Variants in NRG3 observed in about 807,000 individuals in gnomAD.
NRG3 encodes pro-neuregulin-3, membrane-bound isoform.
Under a neutral mutation model 66.9 loss-of-function variants are expected in NRG3, and 31 were observed. The ratio of observed to expected loss-of-function variants is 0.46; its 90% CI spans 0.35 to 0.63. NRG3 has a LOEUF of 0.63. Ranked by LOEUF, NRG3 falls within the 20% of genes least tolerant of loss-of-function variation. The pLI, the probability that NRG3 is intolerant of heterozygous loss-of-function variation, is 0.00. For synonymous variants in NRG3, 393 were observed against 359.4 expected, an observed-to-expected ratio of 1.09 and a Z score of -1.06; for missense variants, 910 against 878.9, an observed-to-expected ratio of 1.04 and a Z score of -0.45.
intron 2 of NRG3, among the ~76,000 whole-genome samples, chr10:82,588,588 C>T (rs1335301965): frequency 2.0e-5 from 3 of 151,938 alleles, no homozygotes; most frequent in African/African-American, 7.3e-5. Context: ...CTGCAAGCTC[C>T]GCCTCCCGGG....
intron 2 of NRG3, among the ~76,000 whole-genome samples, chr10:82,582,662 T>TTGTGTGTGTGTGTGTG (rs141112949): frequency 6.8e-6 from 1 of 146,378 alleles, no homozygotes; most frequent in Non-Finnish European, 1.5e-5. Flanking sequence ...TCTATATGTG[T>TTGTGTGTGTGTGTGTG]TGTGTGTGTG....
chr10:82,923,642 A>G (rs1846678846), intron 4 of NRG3, among the ~76,000 whole-genome samples: 1 of 152,224 alleles, frequency 6.6e-6, no homozygotes, highest in Non-Finnish European at 1.5e-5. Flanking sequence ...TAAAAACAGG[A>G]GAGAAAGAAA....
At chr10:82,851,736 A>C (rs572841831) in intron 3 of NRG3, among the ~76,000 whole-genome samples, 4 of 86,524 alleles carry the variant, frequency 4.6e-5, no homozygotes, top group Middle Eastern at 5.6e-3. Flanking sequence ...GAAGCTATAT[A>C]GTTTTTTTCT....
intron 3 of NRG3, among the ~76,000 whole-genome samples, chr10:82,791,064 GT>G (rs1328380140): frequency 2.0e-5 from 3 of 151,188 alleles, no homozygotes; most frequent in African/African-American, 2.4e-5. Flanking sequence ...CTGACTTAAA[GT>G]TTTTTTTTAT....
At chr10:82,642,897 CAT>C (rs369198241) in intron 2 of NRG3, among the ~76,000 whole-genome samples, 23 of 150,122 alleles carry the variant, frequency 1.5e-4, no homozygotes, top group Admixed American at 5.3e-4. Context: ...TATACATACA[CAT>C]ATATATATAT....
intron 2 of NRG3, among the ~76,000 whole-genome samples, chr10:82,718,734 G>A (rs148255237): frequency 1.3e-4 from 20 of 152,216 alleles, no homozygotes; most frequent in Middle Eastern, 3.4e-3. Context: ...GACTTCTGCC[G>A]TTTCTACATA....
intron 2 of NRG3, among the ~76,000 whole-genome samples, chr10:82,608,533 C>T (rs967091376): frequency 6.6e-6 from 1 of 152,068 alleles, no homozygotes; most frequent in African/African-American, 2.4e-5. Context: ...TCCTGCTATA[C>T]GAAATCCCTA....
chr10:82,092,731 A>G (rs1290652551), intron 1 of NRG3, among the ~76,000 whole-genome samples: 7 of 152,180 alleles, frequency 4.6e-5, no homozygotes, highest in Non-Finnish European at 1.0e-4. Flanking sequence ...CTTCCAGTAT[A>G]TTAAAGACAA....
At chr10:82,536,211 G>A (rs890616956) in intron 2 of NRG3, among the ~76,000 whole-genome samples, 3 of 152,118 alleles carry the variant, frequency 2.0e-5, no homozygotes, top group African/African-American at 7.2e-5. Context: ...CTATTTTCAT[G>A]AAGTCTGGAT....
At chr10:82,331,578 A>G (rs895623295) in intron 1 of NRG3, among the ~76,000 whole-genome samples, 1 of 152,204 alleles carries the variant, frequency 6.6e-6, no homozygotes, top group Non-Finnish European at 1.5e-5. Flanking sequence ...TATCATATCT[A>G]ATGGTTTGGA....
At chr10:81,974,736 C>T (rs1016592727) in intron 1 of NRG3, among the ~76,000 whole-genome samples, 8 of 152,084 alleles carry the variant, frequency 5.3e-5, no homozygotes, top group Non-Finnish European at 1.2e-4. Context: ...CGCATCTATA[C>T]TCACACAGGC....
intron 1 of NRG3, among the ~76,000 whole-genome samples, chr10:81,980,148 A>T (rs1293591264): frequency 6.6e-6 from 1 of 152,110 alleles, no homozygotes; most frequent in Non-Finnish European, 1.5e-5. Context: ...CCAAATCTTT[A>T]ATTGTATCTT....
At chr10:82,418,192 T>G (rs1054317279) in intron 2 of NRG3, among the ~76,000 whole-genome samples, 1 of 152,170 alleles carries the variant, frequency 6.6e-6, no homozygotes, top group African/African-American at 2.4e-5. Flanking sequence ...AGAAAGGCAG[T>G]TCACCTTCTC....
rs140294709 is a variant in NRG3, at chr10:82,101,627, G to A, written c.823+225464G>A. ...GGGATATGTTAGCTTCTAAATCATT[G>A]TGGAATCACCAATGATTTTTATGTA... On this transcript the variant is annotated intron_variant, in intron 1 of 8. Coordinates refer to ENST00000372141, the MANE Select transcript of NRG3 (RefSeq NM_001010848.4). Among the ~76,000 whole-genome samples, 5 of 151,728 alleles carry A rather than the reference G, an allele frequency of 3.3e-5. No individual in the cohort carries two copies. In the East Asian group the frequency reaches 9.7e-4, roughly 29 times the overall value.
chr10:82,063,219 T>C (rs2064261000), intron 1 of NRG3, among the ~76,000 whole-genome samples: 1 of 152,160 alleles, frequency 6.6e-6, no homozygotes, highest in African/African-American at 2.4e-5. Flanking sequence ...CTCATTTTTA[T>C]GTCACTAACT....
chr10:82,713,271 A>T (rs1181241046), intron 2 of NRG3, among the ~76,000 whole-genome samples: 2 of 152,096 alleles, frequency 1.3e-5, no homozygotes, highest in African/African-American at 2.4e-5. Flanking sequence ...AGATAATTTG[A>T]TATGTTTTTA....
chr10:82,024,795 A>C (rs1322410567), intron 1 of NRG3, among the ~76,000 whole-genome samples: 1 of 152,098 alleles, frequency 6.6e-6, no homozygotes, highest in East Asian at 1.9e-4. Flanking sequence ...TCAGTGATTC[A>C]ACTGTGTTCA....
At chr10:81,970,207 G>A (rs1431381945) in intron 1 of NRG3, among the ~76,000 whole-genome samples, 4 of 152,304 alleles carry the variant, frequency 2.6e-5, no homozygotes, top group Admixed American at 6.5e-5. Context: ...TAGGCAGTGA[G>A]GAAGGAAGTG....
At chr10:82,050,545 GAT>G (rs541915511) in intron 1 of NRG3, among the ~76,000 whole-genome samples, 73 of 152,120 alleles carry the variant, frequency 4.8e-4, no homozygotes, top group African/African-American at 1.7e-3. Context: ...CACAAAGAAA[GAT>G]AGAAGGTCTT....
Sources: allele counts gnomAD v4.1 joint callset (sites outside exome capture counted in the v4.1 genomes callset), GRCh38; gene constraint gnomAD v4.1.1; transcripts MANE v1.5; gene names NCBI Gene and HGNC (gene_info 2026-07-23, HGNC 2026-07-21).